The following FAM168A variants were observed in gnomAD, a reference collection of about 807,000 sequenced individuals.
The protein encoded by FAM168A is protein FAM168A.
FAM168A carries 3 observed loss-of-function variants against 28.5 expected under a neutral mutation model. The observed-to-expected ratio is 0.11, with a 90% confidence interval of 0.05 to 0.27. The LOEUF is 0.27. Ranked by LOEUF, FAM168A falls within the 10% of genes least tolerant of loss-of-function variation. The pLI is 1.00. For missense variants in FAM168A, 222 were observed against 311.5 expected, an observed-to-expected ratio of 0.71 and a Z score of 2.16; for synonymous variants, 122 against 124.2, an observed-to-expected ratio of 0.98 and a Z score of 0.12.
intron 1 of FAM168A, among the ~76,000 whole-genome samples, chr11:73,484,705 T>G (rs1024141251): frequency 8.4e-5 from 11 of 130,668 alleles, no homozygotes; most frequent in African/African-American, 4.0e-4. Flanking sequence ...GATATAGATA[T>G]ATATAGATAT....
At chr11:73,483,166 T>C (rs372335237) in intron 1 of FAM168A, among the ~76,000 whole-genome samples, 25 of 152,220 alleles carry the variant, frequency 1.6e-4, no homozygotes, top group African/African-American at 5.8e-4. Context: ...TGAAATAATA[T>C]ATGTTCTGCC....
chr11:73,485,306 C>A (rs55958059), intron 1 of FAM168A, among the ~76,000 whole-genome samples: 1 of 152,190 alleles, frequency 6.6e-6, no homozygotes, highest in African/African-American at 2.4e-5. Context: ...GGTACTGGAT[C>A]TAGGAGAAAC....
At chr11:73,525,925 G>A (rs1273262228) in intron 1 of FAM168A, among the ~76,000 whole-genome samples, 2 of 152,116 alleles carry the variant, frequency 1.3e-5, no homozygotes, top group African/African-American at 4.8e-5. Flanking sequence ...GTTCTTGAAA[G>A]GACAAAAGAC....
intron 1 of FAM168A, among the ~76,000 whole-genome samples, chr11:73,469,135 G>A (rs550363848): frequency 6.6e-6 from 1 of 152,268 alleles, no homozygotes; most frequent in Admixed American, 6.5e-5. Context: ...ATTTATTCAA[G>A]GGAAAGAAAT....
At chr11:73,533,974 C>A (rs1475853673) in intron 1 of FAM168A, among the ~76,000 whole-genome samples, 1 of 152,124 alleles carries the variant, frequency 6.6e-6, no homozygotes, top group Non-Finnish European at 1.5e-5. Context: ...GCTTGTTAAG[C>A]AATAGATTCA....
chr11:73,420,877 T>C (rs1380313001), intron 3 of FAM168A: 1 of 152,558 alleles, frequency 6.6e-6, no homozygotes, highest in Non-Finnish European at 1.5e-5. Flanking sequence ...GGGGAGTGAC[T>C]CAAAAAACTT....
At chr11:73,437,723 G>C (rs1590774980) in intron 2 of FAM168A, among the ~76,000 whole-genome samples, 1 of 151,978 alleles carries the variant, frequency 6.6e-6, no homozygotes, top group Non-Finnish European at 1.5e-5. Context: ...CCAAGACACA[G>C]AGGTTGCAGT....
At chr11:73,565,889 C>T (rs1944015598) in intron 1 of FAM168A, among the ~76,000 whole-genome samples, 1 of 152,182 alleles carries the variant, frequency 6.6e-6, no homozygotes. Flanking sequence ...GAGAGAGGAG[C>T]TCTTAATTAT....
chr11:73,555,762 A>G (rs1943882743), intron 1 of FAM168A, among the ~76,000 whole-genome samples: 2 of 152,210 alleles, frequency 1.3e-5, no homozygotes, highest in South Asian at 2.1e-4. Flanking sequence ...AAGTGAGGAC[A>G]CACAGTTGAT....
chr11:73,453,233 T>G (rs762518886), intron 2 of FAM168A, among the ~76,000 whole-genome samples: 3 of 152,188 alleles, frequency 2.0e-5, no homozygotes, highest in Non-Finnish European at 4.4e-5. Context: ...TATTCATAGA[T>G]AGCTGTTATA....
chr11:73,534,807 T>A (rs749863417), intron 1 of FAM168A, among the ~76,000 whole-genome samples: 3 of 152,212 alleles, frequency 2.0e-5, no homozygotes, highest in Non-Finnish European at 4.4e-5. Flanking sequence ...TCCCCTAGTA[T>A]AGAAGACTAA....
rs1207868264 is a variant in FAM168A, at chr11:73,408,091, G to A, written c.596-448C>T. ...TCACCATGTTGGCCAGGCTGGTCTC[G>A]AACTCCTGACCTCAAGTGATCCGCC... On this transcript the variant is annotated intron_variant, in intron 6 of 7. Coordinates refer to ENST00000356467, the MANE Select transcript of FAM168A (RefSeq NM_015159.3). Among the ~76,000 whole-genome samples the A allele has an allele frequency of 3.3e-5, 5 of 152,062 alleles. No individual in the cohort carries two copies. In the East Asian group the frequency reaches 7.7e-4, roughly 23 times the overall value.
intron 1 of FAM168A, among the ~76,000 whole-genome samples, chr11:73,496,623 C>T (rs936513417): frequency 3.9e-5 from 6 of 152,186 alleles, no homozygotes; most frequent in African/African-American, 7.2e-5. Context: ...TGCAGTGGCG[C>T]GATCTCGGCT....
At chr11:73,446,153 C>A (rs1867310376) in intron 2 of FAM168A, among the ~76,000 whole-genome samples, 1 of 152,222 alleles carries the variant, frequency 6.6e-6, no homozygotes, top group Non-Finnish European at 1.5e-5. Context: ...ACAATTAACT[C>A]AGGCCTCATC....
intron 1 of FAM168A, among the ~76,000 whole-genome samples, chr11:73,560,997 G>T (rs1943951318): frequency 6.6e-6 from 1 of 151,242 alleles, no homozygotes; most frequent in South Asian, 2.1e-4. Flanking sequence ...GGGAGGCAGA[G>T]GTTGCAGTGA....
At chr11:73,480,459 C>A (rs1426820497) in intron 1 of FAM168A, among the ~76,000 whole-genome samples, 1 of 151,802 alleles carries the variant, frequency 6.6e-6, no homozygotes, top group Non-Finnish European at 1.5e-5. Flanking sequence ...ATTCATTAAA[C>A]CACACAAGTA....
At chr11:73,535,170 CT>C (rs370181090) in intron 1 of FAM168A, among the ~76,000 whole-genome samples, 1 of 150,142 alleles carries the variant, frequency 6.7e-6, no homozygotes. Context: ...TTTTTTTTTT[CT>C]TTTTTTTACA....
At chr11:73,546,287 T>TG (rs1483784909) in intron 1 of FAM168A, among the ~76,000 whole-genome samples, 1 of 152,182 alleles carries the variant, frequency 6.6e-6, no homozygotes, top group African/African-American at 2.4e-5. Flanking sequence ...TTCACCTATG[T>TG]GGGGGGCGGG....
intron 2 of FAM168A, among the ~76,000 whole-genome samples, chr11:73,467,126 T>A (rs2134574034): frequency 6.6e-6 from 1 of 151,888 alleles, no homozygotes; most frequent in Non-Finnish European, 1.5e-5. Flanking sequence ...ATCTGTGTGG[T>A]CCTAGAATCT....
Sources: allele counts gnomAD v4.1 joint callset (sites outside exome capture counted in the v4.1 genomes callset), GRCh38; gene constraint gnomAD v4.1.1; transcripts MANE v1.5; gene names NCBI Gene and HGNC (gene_info 2026-07-23, HGNC 2026-07-21).